CFAP43: variants seen among roughly 807,000 people sequenced by gnomAD.
CFAP43 encodes cilia and flagella associated protein 43.
A neutral mutation model predicts 218.9 loss-of-function variants in CFAP43; 155 were observed. That is an observed-to-expected ratio of 0.71 (90% CI 0.62 to 0.81). The LOEUF is 0.81. Among genes scored for constraint, CFAP43 ranks in the 30% least tolerant of loss-of-function variants. The pLI is 0.00. For synonymous variants in CFAP43, 645 were observed against 681.3 expected, an observed-to-expected ratio of 0.95 and a Z score of 0.83; for missense variants, 1,778 against 1,954.3, an observed-to-expected ratio of 0.91 and a Z score of 1.70.
At chr10:104,168,262 G>A (rs1305478949) in intron 21 of CFAP43, among the ~76,000 whole-genome samples, 2 of 152,186 alleles carry the variant, frequency 1.3e-5, no homozygotes, top group African/African-American at 4.8e-5. Flanking sequence ...ATTTGAAAGT[G>A]AAAAGGATGC....
intron 16 of CFAP43, among the ~76,000 whole-genome samples, chr10:104,183,088 C>T (rs1011496887): frequency 1.3e-5 from 2 of 152,208 alleles, no homozygotes; most frequent in Admixed American, 6.5e-5. Context: ...CACATAATCA[C>T]ATGTGGCCCC....
At chr10:104,202,953 T>A (rs2090576707) in intron 8 of CFAP43, among the ~76,000 whole-genome samples, 1 of 152,336 alleles carries the variant, frequency 6.6e-6, no homozygotes, top group East Asian at 1.9e-4. Context: ...TCTAACAATA[T>A]AAATATCTGC....
chr10:104,169,436 C>T (rs1249119546), intron 20 of CFAP43, among the ~76,000 whole-genome samples: 1 of 152,134 alleles, frequency 6.6e-6, no homozygotes, highest in Non-Finnish European at 1.5e-5. Context: ...ATCATACAAT[C>T]TGTGTTTTTT....
intron 24 of CFAP43, 79 bp from the exon 25 acceptor site, chr10:104,162,482 G>T: frequency 8.0e-7 from 1 of 1,249,972 alleles, no homozygotes; most frequent in Middle Eastern, 1.9e-4. Context: ...CTGGGAGGAG[G>T]CTGGAAGATA....
At chr10:104,195,314 A>C (rs2090352923) in intron 10 of CFAP43, among the ~76,000 whole-genome samples, 1 of 152,210 alleles carries the variant, frequency 6.6e-6, no homozygotes, top group Non-Finnish European at 1.5e-5. Context: ...TATCCTGATT[A>C]TATGGGCCCC....
chr10:104,166,816 T>G, intron 22 of CFAP43, 98 bp from the exon 23 acceptor site: 4 of 1,090,380 alleles, frequency 3.7e-6, no homozygotes, highest in Non-Finnish European at 5.3e-6. Context: ...ATCATTTTAA[T>G]TTGTTGAATT....
At chr10:104,171,887 G>T (rs556029618) in intron 20 of CFAP43, among the ~76,000 whole-genome samples, 1 of 152,204 alleles carries the variant, frequency 6.6e-6, no homozygotes, top group Non-Finnish European at 1.5e-5. Context: ...ACGGCATGAT[G>T]ATGACGAGGC....
rs2091427633 is a variant in CFAP43 at position 104,230,731 on chromosome 10, C to T, written c.178G>A (p.Val60Ile). ...ACAATTCCATTACTACACTGCAGTA[C>T]AGTCTTTTTCTTGGTTTCAATATTA... The part of the protein sequence containing the change: ...FINIETKKKT[V>I]LQCSNGIVGV... Residue 60 changes from valine (V) to isoleucine (I), a missense_variant, in exon 2 of 38, where the codon GTA (valine) becomes ATA (isoleucine). Coordinates refer to ENST00000357060, the MANE Select transcript of CFAP43 (RefSeq NM_025145.7). The T allele has an allele frequency of 4.3e-6, 7 of 1,613,990 alleles. No homozygotes were observed. The highest frequency in any genetic ancestry group is 1.3e-5 in the African/African-American group (1 of 74,910).
intron 5 of CFAP43, among the ~76,000 whole-genome samples, chr10:104,208,473 C>G (rs1273776068): frequency 3.9e-5 from 6 of 151,996 alleles, no homozygotes; most frequent in African/African-American, 1.5e-4. Context: ...GCTTGTCTTC[C>G]TATTACTTTT....
intron 23 of CFAP43, 150 bp downstream of exon 23, chr10:104,166,338 C>G (rs2089149985): frequency 1.6e-6 from 1 of 623,156 alleles, no homozygotes; most frequent in Non-Finnish European, 2.8e-6. Context: ...TCCCAAAGTA[C>G]TGGGATTACA....
At chr10:104,200,952 A>C (rs1041064487) in intron 8 of CFAP43, among the ~76,000 whole-genome samples, 1 of 152,252 alleles carries the variant, frequency 6.6e-6, no homozygotes, top group African/African-American at 2.4e-5. Context: ...TTTTCTCAGA[A>C]TGACAGGAAA....
At chr10:104,156,248 A>G (rs891536033) in intron 27 of CFAP43, among the ~76,000 whole-genome samples, 3 of 152,174 alleles carry the variant, frequency 2.0e-5, no homozygotes, top group African/African-American at 7.2e-5. Context: ...AGTCAACTGT[A>G]TATCAAACTG....
rs372598864 is a variant in CFAP43 at position 104,164,200 on chromosome 10, C to T, written c.3140G>A (p.Arg1047Gln). 1.3e-5 allele frequency: 21 copies of T among 1,613,952 alleles called. No homozygotes were observed. Among genetic ancestry groups the T allele is most frequent in the East Asian group, 8.9e-5 (4 of 44,890 alleles). ...EIARVKERNV[R>Q]IREIILDLEL... ...CAGATCTAAAATAATTTCTCGAATT[C>T]GAACATTTCTTTCCTTCACGCGTGC... is the stretch of plus-strand genomic sequence containing the variant. The change falls in exon 24 of 38, where the codon CGA becomes CAA. Residue 1047 changes from arginine (R) to glutamine (Q), a missense_variant. By Grantham distance (43) the Arg-to-Gln change is conservative. Coordinates refer to ENST00000357060, the MANE Select transcript of CFAP43 (RefSeq NM_025145.7).
At chr10:104,218,183 C>T (rs1284323024) in intron 3 of CFAP43, among the ~76,000 whole-genome samples, 1 of 151,810 alleles carries the variant, frequency 6.6e-6, no homozygotes, top group Non-Finnish European at 1.5e-5. Flanking sequence ...CCCGTCTCTA[C>T]TAAAAATACA....
rs2087705187 is a variant in CFAP43 at position 104,141,524 on chromosome 10, T to C, written c.4272-523A>G. Among the ~76,000 whole-genome samples, 3 of 152,066 alleles carry C rather than the reference T, an allele frequency of 2.0e-5. No individual in the cohort carries two copies. The South Asian group carries it at 6.2e-4, about 31-fold the overall frequency. ...CTGCTTGGGAGGCTGAGGCATGAGA[T>C]CTCTTGAACCTGGGAGGTGGAGACT... On this transcript the variant is annotated intron_variant, in intron 33 of 37. Transcript: ENST00000357060.
Position 104,152,675 on chromosome 10 carries a change from G to C in CFAP43, c.3592C>G (p.Gln1198Glu), listed in dbSNP as rs1368614976. Residue 1198 changes from glutamine (Q) to glutamate (E), a missense_variant, in exon 28 of 38, where the codon CAG (glutamine) becomes GAG (glutamate). Transcript: ENST00000357060. ...KLQNSIQEST[Q>E]AFDEHLKRLF... ...CTTTTCAAATGTTCATCAAAGGCCT[G>C]TGTGCTTTCTTGAATAGAGTTTTGA... 1 of 1,613,702 alleles carries C rather than the reference G, an allele frequency of 6.2e-7. No individual in the cohort carries two copies. The highest frequency in any genetic ancestry group is 1.1e-5 in the South Asian group (1 of 90,988).
In CFAP43 at chr10:104,145,569, G is replaced by A; in HGVS notation, c.3856-5C>T. The A allele has an allele frequency of 6.3e-7, 1 of 1,584,634 alleles. No individual in the cohort carries two copies. Among genetic ancestry groups the A allele is most frequent in the Non-Finnish European group, 8.6e-7 (1 of 1,158,432 alleles). ...TTTAAAGCTGCGATCCATAACCTAA[G>A]GACAAACATGACATTTGAGGACTGC... On this transcript the variant is annotated splice_region_variant and splice_polypyrimidine_tract_variant and intron_variant, in intron 30 of 37. Coordinates refer to ENST00000357060, the MANE Select transcript of CFAP43 (RefSeq NM_025145.7).
intron 17 of CFAP43, 39 bp downstream of exon 17, chr10:104,182,327 G>T: frequency 6.7e-7 from 1 of 1,488,902 alleles, no homozygotes; most frequent in Admixed American, 2.5e-5. Context: ...TACAAAGAAA[G>T]AAATGTAAGC....
rs35761606 is a variant in CFAP43, at chr10:104,172,399, CTT to C, written c.2586+9_2586+10del. On this transcript the variant is annotated intron_variant, in intron 20 of 37. Coordinates refer to ENST00000357060, the MANE Select transcript of CFAP43 (RefSeq NM_025145.7). ...ATAACTTTATGGTGCTTAAATTATA[CTT>C]TTTCATACCTTTGCCACTTCTTCCT... 1 of 1,603,860 alleles carries C rather than the reference CTT, an allele frequency of 6.2e-7. No individual in the cohort carries two copies. Among genetic ancestry groups the C allele is most frequent in the Non-Finnish European group, 8.5e-7 (1 of 1,177,624 alleles).
Sources: allele counts gnomAD v4.1 joint callset (sites outside exome capture counted in the v4.1 genomes callset), GRCh38; gene constraint gnomAD v4.1.1; transcripts MANE v1.5; gene names NCBI Gene and HGNC (gene_info 2026-07-23, HGNC 2026-07-21).